The following STIM1 variants were observed in gnomAD, a reference collection of about 807,000 sequenced individuals.
STIM1 encodes the protein stromal interaction molecule 1.
Under a neutral mutation model 74.7 loss-of-function variants are expected in STIM1, and 25 were observed. That is an observed-to-expected ratio of 0.33 (90% CI 0.24 to 0.47). STIM1 has a LOEUF of 0.47. Among genes scored for constraint, STIM1 ranks in the 20% least tolerant of loss-of-function variants. STIM1 has a pLI of 1.00. For synonymous variants in STIM1, 328 were observed against 348.8 expected (o/e 0.94, Z 0.66); for missense variants, 728 against 920.8 (o/e 0.79, Z 2.71).
chr11:3,945,424 A>C (rs2093060257), intron 1 of STIM1, among the ~76,000 whole-genome samples: 1 of 151,852 alleles, frequency 6.6e-6, no homozygotes, highest in South Asian at 2.1e-4. Flanking sequence ...TAAAAATAAA[A>C]AAATAAAAAA....
At chr11:3,883,871 T>C (rs889008941) in intron 1 of STIM1, among the ~76,000 whole-genome samples, 1 of 152,208 alleles carries the variant, frequency 6.6e-6, no homozygotes, top group Non-Finnish European at 1.5e-5. Flanking sequence ...TTGCGGGCTG[T>C]ACTAGATGTA....
Position 3,973,899 on chromosome 11 carries a change from A to T in STIM1, c.270+6217A>T, listed in dbSNP as rs542959873. 1.8e-4 allele frequency: 84 copies of T among 477,542 alleles called. No homozygotes were observed. The East Asian group carries it at 2.4e-3, about 14-fold the overall frequency. 29.6% of individuals were successfully genotyped at this position (477,542 alleles called of 1,614,324 possible). A position where few individuals can be genotyped will look rare whatever the true frequency, so the allele number is the denominator to read the frequency against. ...CAGCTAATTTAAAACAAATTTTTTT[A>T]AATTTAAAATGTATCTTTTTTAAAG... On this transcript the variant is annotated intron_variant, in intron 2 of 12. Coordinates refer to ENST00000526596, the MANE Select transcript of STIM1 (RefSeq NM_001382567.1).
intron 1 of STIM1, among the ~76,000 whole-genome samples, chr11:3,921,003 C>T: frequency 6.6e-6 from 1 of 152,060 alleles, no homozygotes; most frequent in East Asian, 1.9e-4. Context: ...ACCATGTTGA[C>T]CAGGCTGGTT....
chr11:4,021,380 C>T (rs990817965), intron 2 of STIM1, among the ~76,000 whole-genome samples: 2 of 152,216 alleles, frequency 1.3e-5, no homozygotes. Context: ...CCTGCCTTGG[C>T]CTCCCAAAGT....
intron 3 of STIM1, among the ~76,000 whole-genome samples, chr11:4,041,682 C>A (rs917027308): frequency 2.6e-5 from 4 of 151,888 alleles, no homozygotes; most frequent in African/African-American, 4.8e-5. Flanking sequence ...ACTCTAGCCT[C>A]AACTCCAGGT....
chr11:3,891,027 C>T lies in STIM1; in HGVS notation c.139+34618C>T, dbSNP rs923522866. On this transcript the variant is annotated intron_variant, in intron 1 of 12. Coordinates refer to ENST00000526596, the MANE Select transcript of STIM1 (RefSeq NM_001382567.1). ...CTCTGAGCCACAGCGAAGTCCACCACTAATTAGACAGTTAATAATAATGCT... is the reference window on the plus strand; with the variant it reads ...CTCTGAGCCACAGCGAAGTCCACCATTAATTAGACAGTTAATAATAATGCT... 3.3e-5 allele frequency among the ~76,000 whole-genome samples: 5 copies of T among 152,176 alleles called. 1 individual carries two copies. Among genetic ancestry groups the T allele is most frequent in the Admixed American group, 6.5e-5 (1 of 15,282 alleles).
rs200264068 is a variant in STIM1 at position 4,074,493 on chromosome 11, C to T, written c.792-9C>T. ...TGGCCTCCTCCAGCTCCCTGCATTGCCCCCCCAGGCTGCACAAGGCCCAGG... is the reference window on the plus strand; with the variant it reads ...TGGCCTCCTCCAGCTCCCTGCATTGTCCCCCCAGGCTGCACAAGGCCCAGG... On this transcript the variant is annotated splice_polypyrimidine_tract_variant and intron_variant, in intron 6 of 12. Coordinates refer to ENST00000526596, the MANE Select transcript of STIM1 (RefSeq NM_001382567.1). 2.2e-5 allele frequency: 35 copies of T among 1,612,302 alleles called. No individual in the cohort carries two copies. In the East Asian group the frequency reaches 6.7e-4, roughly 31 times the overall value.
intron 1 of STIM1, among the ~76,000 whole-genome samples, chr11:3,873,418 CAAAAAAAAA>C (rs1159126517): frequency 1.8e-5 from 1 of 57,124 alleles, no homozygotes; most frequent in African/African-American, 6.2e-5. Context: ...AGCTCCATTT[CAAAAAAAAA>C]AAAAAAAAAA....
intron 1 of STIM1, among the ~76,000 whole-genome samples, chr11:3,873,619 G>T (rs2091210600): frequency 6.6e-6 from 1 of 152,006 alleles, no homozygotes. Context: ...TATGGATTAG[G>T]TTCAGTATAG....
At chr11:3,892,683 G>T (rs2091933122) in intron 1 of STIM1, 2 of 1,612,474 alleles carry the variant, frequency 1.2e-6, no homozygotes, top group East Asian at 2.2e-5. Context: ...CCATTATGGT[G>T]TGTGAAGTCA....
At chr11:3,910,195 C>T (rs1416148945) in intron 1 of STIM1, among the ~76,000 whole-genome samples, 1 of 152,148 alleles carries the variant, frequency 6.6e-6, no homozygotes, top group Non-Finnish European at 1.5e-5. Context: ...TGCAGAACCA[C>T]TGAAAAATTT....
intron 3 of STIM1, among the ~76,000 whole-genome samples, chr11:4,036,430 A>G (rs1396016940): frequency 6.6e-6 from 1 of 152,212 alleles, no homozygotes; most frequent in Admixed American, 6.5e-5. Flanking sequence ...AGGAATCACC[A>G]CAGTGTCTTC....
At chr11:3,961,307 T>G (rs12223176) in intron 1 of STIM1, 65,887 of 240,006 alleles carry the variant, frequency 0.27, 10,768 homozygotes, top group South Asian at 0.47. Flanking sequence ...TTTGACAGTG[T>G]TGCAGAAGAT....
intron 2 of STIM1, among the ~76,000 whole-genome samples, chr11:4,013,636 C>T (rs1320383668): frequency 7.6e-6 from 1 of 132,396 alleles, no homozygotes; most frequent in East Asian, 2.2e-4. Flanking sequence ...CTGTATGATT[C>T]TTCTCTCTTC....
intron 5 of STIM1, among the ~76,000 whole-genome samples, chr11:4,062,079 T>C (rs917639235): frequency 2.0e-5 from 3 of 152,188 alleles, no homozygotes; most frequent in Non-Finnish European, 2.9e-5. Flanking sequence ...TTGCATAACA[T>C]CATGAATGTG....
At chr11:4,045,052 C>T (rs2094179442) in intron 3 of STIM1, among the ~76,000 whole-genome samples, 1 of 152,110 alleles carries the variant, frequency 6.6e-6, no homozygotes, top group African/African-American at 2.4e-5. Context: ...TGCCTGTCAC[C>T]ACTGTGGTGT....
intron 2 of STIM1, among the ~76,000 whole-genome samples, chr11:4,016,091 C>T (rs574879051): frequency 1.1e-4 from 17 of 152,242 alleles, no homozygotes; most frequent in Admixed American, 2.0e-4. Flanking sequence ...CCCTTGCTGG[C>T]GAGGAGTTGT....
chr11:4,029,620 C>T (rs117913230), intron 3 of STIM1, among the ~76,000 whole-genome samples: 4,420 of 151,278 alleles, frequency 0.029, 77 homozygotes, highest in Middle Eastern at 0.045. Flanking sequence ...ACAGAGTGTG[C>T]GTGTGTATGT....
intron 1 of STIM1, among the ~76,000 whole-genome samples, chr11:3,939,652 G>T (rs1159822144): frequency 2.0e-5 from 3 of 152,150 alleles, no homozygotes; most frequent in Admixed American, 6.5e-5. Context: ...ATTCAGAGAA[G>T]TTAAATAATT....
Sources: gnomAD v4.1 joint callset for allele counts (sites outside exome capture counted in the v4.1 genomes callset) on GRCh38, gnomAD v4.1.1 for gene constraint, MANE v1.5 for transcripts, NCBI Gene and HGNC (gene_info 2026-07-23, HGNC 2026-07-21) for gene names.